Variants in GLS2 observed in about 807,000 individuals in gnomAD.
The protein encoded by GLS2 is glutaminase 2.
In GLS2, 52 loss-of-function variants were observed where a neutral mutation model predicts 79.0. That is an observed-to-expected ratio of 0.66 (90% CI 0.53 to 0.83). The LOEUF is 0.83. Among genes scored for constraint, GLS2 ranks in the 40% least tolerant of loss-of-function variants. The probability of loss-of-function intolerance (pLI) is 0.00; values close to 1 mark genes in which losing one functional copy is unlikely to be tolerated. For synonymous variants in GLS2, 238 were observed against 280.8 expected, an observed-to-expected ratio of 0.85 and a Z score of 1.52; for missense variants, 561 against 764.8, an observed-to-expected ratio of 0.73 and a Z score of 3.14.
intron 7 of GLS2, 52 bp from the exon 8 acceptor site, chr12:56,476,029 G>T: frequency 6.4e-7 from 1 of 1,574,506 alleles, no homozygotes; most frequent in South Asian, 1.1e-5. Context: ...GGATGACAGA[G>T]GGAAGGGTCA....
At chr12:56,476,000 C>A in intron 7 of GLS2, 23 bp from the exon 8 acceptor site, 1 of 1,610,862 alleles carries the variant, frequency 6.2e-7, no homozygotes, top group South Asian at 1.1e-5. Flanking sequence ...AGAGAGATGT[C>A]AGCATTCTAA....
chr12:56,487,863 G>T (rs1251213349), intron 1 of GLS2, 74 bp downstream of exon 1: 8 of 1,488,860 alleles, frequency 5.4e-6, no homozygotes, highest in African/African-American at 1.4e-5. Flanking sequence ...CCTTGGAAGG[G>T]CACTCGGGAA....
intron 12 of GLS2, chr12:56,473,832 C>A: frequency 2.2e-6 from 1 of 451,280 alleles, no homozygotes; most frequent in South Asian, 4.7e-5. Context: ...AGATGCTGTG[C>A]TAGAACTAGG....
In GLS2 at chr12:56,479,879, T is replaced by G; in HGVS notation, c.305A>C (p.Gln102Pro). 1.2e-6 allele frequency: 2 copies of G among 1,613,364 alleles called. No homozygotes were observed. Among genetic ancestry groups the G allele is most frequent in the Non-Finnish European group, 1.7e-6 (2 of 1,179,984 alleles). Residue 102 changes from glutamine to proline, a missense_variant, in exon 3 of 18, where the codon CAG becomes CCG. Gln to Pro is a moderately conservative substitution (Grantham distance 76, BLOSUM62 -1). Coordinates refer to ENST00000311966, the MANE Select transcript of GLS2 (RefSeq NM_013267.4). Reference sequence around the variant, plus strand: ...GTCTCGGAGCCGAGGATCTGATGTCTGCAGTCCAGTGGCCTTTAGTGCCTT... The same window carrying G: ...GTCTCGGAGCCGAGGATCTGATGTCGGCAGTCCAGTGGCCTTTAGTGCCTT... ...FTTALKATGL[Q>P]TSDPRLRDCM...
Position 56,475,688 on chromosome 12 carries a change from A to G in GLS2, c.871-6T>C. 1 of 1,614,202 alleles carries G rather than the reference A, an allele frequency of 6.2e-7. No homozygotes were observed. Among genetic ancestry groups the G allele is most frequent in the South Asian group, 1.1e-5 (1 of 91,086 alleles). ...TTGTTGAGATACTGCAACACCTGGA[A>G]GAGAAAAAGGGACATTGAGGCTCCA... On this transcript the variant is annotated splice_polypyrimidine_tract_variant and splice_region_variant and intron_variant, in intron 8 of 17. Transcript: ENST00000311966.
At chr12:56,481,840 G>A (rs1428639207) in intron 1 of GLS2, among the ~76,000 whole-genome samples, 2 of 151,546 alleles carry the variant, frequency 1.3e-5, no homozygotes, top group African/African-American at 2.4e-5. Flanking sequence ...GCAGTGAGCC[G>A]AGATCACGCC....
intron 1 of GLS2, among the ~76,000 whole-genome samples, chr12:56,486,848 A>C (rs1380715028): frequency 6.6e-6 from 1 of 152,254 alleles, no homozygotes; most frequent in African/African-American, 2.4e-5. Context: ...TGACAGAGTG[A>C]GACTCCGTCT....
chr12:56,473,272 A>G lies in GLS2; in HGVS notation c.1405T>C (p.Cys469Arg). ...CGCCGTGGGTCTAACTTCCGAGCACAGTGCCTCAGGTTGTCATAGTTGTGG... is the reference window on the plus strand; with the variant it reads ...CGCCGTGGGTCTAACTTCCGAGCACGGTGCCTCAGGTTGTCATAGTTGTGG... Reference protein sequence around the residue: ...NFHNYDNLRHCARKLDPRREG... With the variant: ...NFHNYDNLRHRARKLDPRREG... Residue 469 changes from cysteine (C) to arginine (R), a missense_variant, in exon 14 of 18, where the codon TGT (cysteine) becomes CGT (arginine). Cys to Arg is a radical substitution (Grantham distance 180). Coordinates refer to ENST00000311966, the MANE Select transcript of GLS2 (RefSeq NM_013267.4). 1 of 1,614,186 alleles carries G rather than the reference A, an allele frequency of 6.2e-7. No individual in the cohort carries two copies.
chr12:56,475,786 T>C, intron 8 of GLS2, 104 bp from the exon 9 acceptor site: 1 of 1,383,808 alleles, frequency 7.2e-7, no homozygotes, highest in Non-Finnish European at 1.0e-6. Context: ...TCAAGAGGCT[T>C]TCCTCTCTGA....
chr12:56,471,556 T>G lies in GLS2; in HGVS notation c.1740A>C (p.Thr580=), dbSNP rs562471658. The part of the protein sequence containing the change: ...KLLQDYQDSY[T]LSETQAEAAA... ...CTGCCTCAGCCTGAGTTTCAGAGAG[T>G]GTGTAGGAGTCCTGGTAATCTTGAA... Residue 580 remains threonine (T), a synonymous_variant, in exon 18 of 18, where the codon ACA becomes ACC. Transcript: ENST00000311966. The G allele has an allele frequency of 6.2e-7, 1 of 1,613,876 alleles. No homozygotes were observed. The highest frequency in any genetic ancestry group is 2.2e-5 in the East Asian group (1 of 44,866).
At chr12:56,487,174 C>A (rs1870755939) in intron 1 of GLS2, among the ~76,000 whole-genome samples, 1 of 152,152 alleles carries the variant, frequency 6.6e-6, no homozygotes, top group Non-Finnish European at 1.5e-5. Flanking sequence ...CCGTCTGGGT[C>A]TCAGAGAAAA....
intron 6 of GLS2, 41 bp from the exon 7 acceptor site, chr12:56,477,759 A>C (rs1306258513): frequency 6.3e-7 from 1 of 1,591,256 alleles, no homozygotes; most frequent in Admixed American, 1.8e-5. Context: ...GCCACTGAAC[A>C]AAGCCTCCCT....
chr12:56,474,908 A>G lies in GLS2; in HGVS notation c.997-12T>C. The G allele has an allele frequency of 6.2e-7, 1 of 1,614,114 alleles. No individual in the cohort carries two copies. Among genetic ancestry groups the G allele is most frequent in the South Asian group, 1.1e-5 (1 of 91,080 alleles). ...CCCTTAGGAAAGCACTGCAAGGAAG[A>G]GAGGGGAGAGCATTTCTCTTCAGGA... On this transcript the variant is annotated splice_polypyrimidine_tract_variant and intron_variant, in intron 10 of 17. Coordinates refer to ENST00000311966, the MANE Select transcript of GLS2 (RefSeq NM_013267.4).
intron 8 of GLS2, 42 bp downstream of exon 8, chr12:56,475,903 A>G: frequency 6.2e-7 from 1 of 1,610,216 alleles, no homozygotes; most frequent in Non-Finnish European, 8.5e-7. Context: ...ACAGCATGCC[A>G]TGGCGAAATG....
chr12:56,487,309 TCTGA>T (rs1870764490), intron 1 of GLS2, among the ~76,000 whole-genome samples: 1 of 152,216 alleles, frequency 6.6e-6, no homozygotes, highest in Non-Finnish European at 1.5e-5. Context: ...AAATAAAGGC[TCTGA>T]CTGGCTCTGG....
At chr12:56,476,707 G>C (rs190967694) in intron 7 of GLS2, 1 of 149,568 alleles carries the variant, frequency 6.7e-6, no homozygotes, top group East Asian at 2.0e-4. Context: ...CCATTCTCCT[G>C]CCTTAGCCTC....
intron 3 of GLS2, 97 bp from the exon 4 acceptor site, chr12:56,479,278 C>A: frequency 1.3e-6 from 2 of 1,488,176 alleles, no homozygotes; most frequent in South Asian, 2.6e-5. Context: ...GTTGAGTGGT[C>A]TTCAGGTTTG....
At position 56,473,391 on chromosome 12, in the gene GLS2, A is replaced by G. The variant is rs796747815; in HGVS notation, c.1357-71T>C. On this transcript the variant is annotated intron_variant, in intron 13 of 17. Transcript: ENST00000311966. Reference sequence around the variant, plus strand: ...AGTAGGAGCTCAAAATTGCTTTATTATAGTAAAAGTGGTACCATTAAACAA... The same window carrying G: ...AGTAGGAGCTCAAAATTGCTTTATTGTAGTAAAAGTGGTACCATTAAACAA... The G allele has an allele frequency of 5.6e-6, 9 of 1,605,532 alleles. No individual in the cohort carries two copies. In the African/African-American group the frequency reaches 6.7e-5, roughly 12 times the overall value.
chr12:56,480,421 G>C, intron 1 of GLS2, 34 bp from the exon 2 acceptor site: 2 of 1,559,886 alleles, frequency 1.3e-6, no homozygotes, highest in African/African-American at 2.7e-5. Context: ...AGGAAAGTGG[G>C]GCCTGAGAAC....
Sources: allele counts gnomAD v4.1 joint callset (sites outside exome capture counted in the v4.1 genomes callset), GRCh38; gene constraint gnomAD v4.1.1; transcripts MANE v1.5; gene names NCBI Gene and HGNC (gene_info 2026-07-23, HGNC 2026-07-21).